DOCK5: variants seen among roughly 807,000 people sequenced by gnomAD.
DOCK5 encodes dedicator of cytokinesis 5, also known as dedicator of cytokinesis protein 5.
DOCK5 carries 142 observed loss-of-function variants against 251.8 expected under a neutral mutation model. The ratio of observed to expected loss-of-function variants is 0.56; its 90% CI spans 0.49 to 0.65. The LOEUF (loss-of-function observed/expected upper bound fraction) is 0.65. Among genes scored for constraint, DOCK5 ranks in the 30% least tolerant of loss-of-function variants. DOCK5 has a pLI of 0.00. For synonymous variants in DOCK5, 842 were observed against 835.5 expected (o/e 1.01, Z -0.13); for missense variants, 2,111 against 2,312.3 (o/e 0.91, Z 1.79).
intron 27 of DOCK5, among the ~76,000 whole-genome samples, chr8:25,356,748 G>C (rs947104278): frequency 1.2e-5 from 1 of 80,164 alleles, no homozygotes; most frequent in African/African-American, 3.4e-5. Flanking sequence ...AAATGTCAGA[G>C]TGAAGTGTTC....
intron 29 of DOCK5, 141 bp from the exon 30 acceptor site, chr8:25,364,485 G>A: frequency 4.9e-6 from 3 of 616,736 alleles, no homozygotes; most frequent in Non-Finnish European, 8.8e-6. Flanking sequence ...GTGTTATGCT[G>A]TTGTCTGCAA....
At chr8:25,197,525 A>T (rs1210591712) in intron 1 of DOCK5, among the ~76,000 whole-genome samples, 1 of 149,644 alleles carries the variant, frequency 6.7e-6, no homozygotes, top group Non-Finnish European at 1.5e-5. Flanking sequence ...TCCACATCAG[A>T]TAATAGTTGG....
chr8:25,389,007 C>G (rs1801210193), intron 40 of DOCK5, 84 bp from the exon 41 acceptor site: 1 of 1,335,056 alleles, frequency 7.5e-7, no homozygotes, highest in African/African-American at 1.4e-5. Context: ...CTGGGGAGTG[C>G]AGTGGCTACC....
Position 25,408,960 on chromosome 8 carries a change from T to C in DOCK5, c.5404+20T>C. Reference sequence around the variant, plus strand: ...CCCTAAGTAAGTTTTCCTGTATTCCTTATAGTCTTTTTACTAGGGAATGGA... The same window carrying C: ...CCCTAAGTAAGTTTTCCTGTATTCCCTATAGTCTTTTTACTAGGGAATGGA... On this transcript the variant is annotated intron_variant, in intron 50 of 51. Transcript: ENST00000276440. The C allele has an allele frequency of 5.6e-6, 9 of 1,613,924 alleles. No homozygotes were observed. Among genetic ancestry groups the C allele is most frequent in the Non-Finnish European group, 6.8e-6 (8 of 1,179,816 alleles).
In DOCK5 at chr8:25,336,236, A is replaced by G; in HGVS notation, c.2193-3A>G. The G allele has an allele frequency of 6.2e-7, 1 of 1,607,992 alleles. No homozygotes were observed. The highest frequency in any genetic ancestry group is 8.5e-7 in the Non-Finnish European group (1 of 1,174,948). The stretch of plus-strand genomic sequence containing the variant: ...CTTAATTTTTCTTTCTCATTCTTCT[A>G]AGGAAACTCTCCAAGGTACTGAACT... On this transcript the variant is annotated splice_region_variant and splice_polypyrimidine_tract_variant and intron_variant, in intron 21 of 51. Transcript: ENST00000276440.
chr8:25,207,468 G>A (rs9693598), intron 1 of DOCK5, among the ~76,000 whole-genome samples: 32,462 of 152,090 alleles, frequency 0.21, 5,241 homozygotes, highest in African/African-American at 0.46. Flanking sequence ...TCTTGTTAGG[G>A]GCTAATGCAG....
intron 40 of DOCK5, among the ~76,000 whole-genome samples, chr8:25,387,865 G>A (rs1051380353): frequency 2.0e-5 from 3 of 151,994 alleles, no homozygotes; most frequent in Non-Finnish European, 2.9e-5. Context: ...CTTTCCAGTC[G>A]AGCTAATTCT....
intron 26 of DOCK5, among the ~76,000 whole-genome samples, chr8:25,348,399 T>G (rs926814195): frequency 5.3e-5 from 8 of 152,204 alleles, no homozygotes; most frequent in African/African-American, 1.7e-4. Context: ...TACATTGAGT[T>G]AGGAATGCAG....
In DOCK5 at chr8:25,390,254, A is replaced by G. The variant is rs550254916; in HGVS notation, c.4322A>G (p.Tyr1441Cys). ...CCAGTGATGAGCTTGCCGCCCAGCT[A>G]CAAGGATAAACCTGTTCCAGAGCAG... is the stretch of plus-strand genomic sequence containing the variant. ...VKPVMSLPPS[Y>C]KDKPVPEQIL... The change falls in exon 42 of 52, where the codon TAC (tyrosine) becomes TGC (cysteine). Residue 1441 changes from tyrosine (Y) to cysteine (C), a missense_variant. Coordinates refer to ENST00000276440, the MANE Select transcript of DOCK5 (RefSeq NM_024940.8). 53 of 1,591,556 alleles carry G rather than the reference A, an allele frequency of 3.3e-5. No individual in the cohort carries two copies. The highest frequency in any genetic ancestry group is 8.8e-5 in the Admixed American group (5 of 56,696).
At chr8:25,253,294 T>C (rs768118395) in intron 2 of DOCK5, among the ~76,000 whole-genome samples, 2 of 152,294 alleles carry the variant, frequency 1.3e-5, no homozygotes, top group East Asian at 3.9e-4. Flanking sequence ...GCAAACTCAG[T>C]CTGAAAGCAA....
intron 2 of DOCK5, among the ~76,000 whole-genome samples, chr8:25,266,361 A>G (rs1054136619): frequency 1.3e-5 from 2 of 150,872 alleles, no homozygotes; most frequent in East Asian, 1.9e-4. Context: ...GACTACAGGC[A>G]CCCGCCACCA....
intron 2 of DOCK5, 69 bp from the exon 3 acceptor site, chr8:25,268,776 T>C: frequency 8.4e-6 from 11 of 1,315,822 alleles, no homozygotes; most frequent in Non-Finnish European, 1.2e-5. Flanking sequence ...CATGAGAGTA[T>C]ATATTGCTAA....
chr8:25,327,140 T>G (rs1805583100), intron 18 of DOCK5, among the ~76,000 whole-genome samples: 1 of 152,170 alleles, frequency 6.6e-6, no homozygotes, highest in South Asian at 2.1e-4. Context: ...ATGCAGTAAA[T>G]TAAAACACGT....
chr8:25,221,858 G>A (rs1380363422), intron 1 of DOCK5, among the ~76,000 whole-genome samples: 1 of 152,180 alleles, frequency 6.6e-6, no homozygotes, highest in African/African-American at 2.4e-5. Context: ...GTTAGTGGGT[G>A]CTTGGAGCTG....
rs539762900 is a variant in DOCK5 at position 25,232,964 on chromosome 8, A to G, written c.44-10710A>G. Among the ~76,000 whole-genome samples the G allele has an allele frequency of 5.9e-5, 9 of 151,902 alleles. No individual in the cohort carries two copies. In the South Asian group the frequency reaches 1.5e-3, roughly 25 times the overall value. ...AGTGATTTTTTTCTTAGCCTCGGGTATTTTCACACACATGCACTGACCAGT... is the reference window on the plus strand; with the variant it reads ...AGTGATTTTTTTCTTAGCCTCGGGTGTTTTCACACACATGCACTGACCAGT... On this transcript the variant is annotated intron_variant, in intron 1 of 51. Transcript: ENST00000276440.
chr8:25,364,918 TA>T (rs3215160), intron 30 of DOCK5: 39,335 of 385,804 alleles, frequency 0.1, 1,873 homozygotes, highest in Middle Eastern at 0.15. Context: ...GTAACATATG[TA>T]AAAAAAAAAT....
intron 1 of DOCK5, among the ~76,000 whole-genome samples, chr8:25,217,187 GAT>G (rs144548125): frequency 1.0e-4 from 15 of 146,514 alleles, no homozygotes; most frequent in Admixed American, 2.1e-4. Flanking sequence ...GAGAGAGAGA[GAT>G]ATATATATAT....
At chr8:25,294,445 A>C (rs982893065) in intron 6 of DOCK5, among the ~76,000 whole-genome samples, 4 of 152,158 alleles carry the variant, frequency 2.6e-5, no homozygotes, top group Non-Finnish European at 5.9e-5. Context: ...CCGGGAATGC[A>C]TGCTGGGTAT....
chr8:25,316,963 TGAC>T, intron 13 of DOCK5, 41 bp from the exon 14 acceptor site: 2 of 1,606,614 alleles, frequency 1.2e-6, no homozygotes, highest in Non-Finnish European at 1.7e-6. Flanking sequence ...AAACTTAGAA[TGAC>T]TTCTCTCAGC....
Sources: gnomAD v4.1 joint callset for allele counts (sites outside exome capture counted in the v4.1 genomes callset) on GRCh38, gnomAD v4.1.1 for gene constraint, MANE v1.5 for transcripts, NCBI Gene and HGNC (gene_info 2026-07-23, HGNC 2026-07-21) for gene names.